Variants in C6orf62 observed in about 807,000 individuals in gnomAD.
C6orf62 encodes the protein uncharacterized protein C6orf62.
In C6orf62, 16 loss-of-function variants were observed where a neutral mutation model predicts 26.8. That is an observed-to-expected ratio of 0.60 (90% confidence interval 0.40 to 0.91). The LOEUF (loss-of-function observed/expected upper bound fraction) is 0.91, where lower values mean the gene tolerates loss of function less well. Ranked by LOEUF, C6orf62 falls within the 40% of genes least tolerant of loss-of-function variation. C6orf62 has a pLI of 0.00. For synonymous variants in C6orf62, 112 were observed against 91.5 expected, an observed-to-expected ratio of 1.22 and a Z score of -1.28; for missense variants, 192 against 271.4, an observed-to-expected ratio of 0.71 and a Z score of 2.06.
chr6:24,714,937 TAC>T (rs1779193790), intron 2 of C6orf62, among the ~76,000 whole-genome samples: 1 of 152,124 alleles, frequency 6.6e-6, no homozygotes, highest in Non-Finnish European at 1.5e-5. Context: ...ATTTTTATCT[TAC>T]AGAGAGTCAC....
At chr6:24,719,695 G>A, upstream of C6orf62, 1 of 1,485,354 alleles carries the variant, frequency 6.7e-7, no homozygotes, top group African/African-American at 1.4e-5. Flanking sequence ...CTGTGGATCT[G>A]CCCCCGTTCA....
intron 3 of C6orf62, 84 bp downstream of exon 3, chr6:24,714,234 C>A: frequency 9.4e-7 from 1 of 1,067,114 alleles, no homozygotes; most frequent in Non-Finnish European, 1.3e-6. Context: ...AACCATTTTC[C>A]CAAAGAATTT....
At chr6:24,718,078 G>A (rs1370168584) in intron 1 of C6orf62, among the ~76,000 whole-genome samples, 1 of 152,196 alleles carries the variant, frequency 6.6e-6, no homozygotes, top group African/African-American at 2.4e-5. Flanking sequence ...CCTAAAAGGT[G>A]TATTCTACTT....
rs973324852 is a variant in C6orf62 at position 24,709,398 on chromosome 6, T to G, written c.430-487A>C. On this transcript the variant is annotated intron_variant, in intron 3 of 4. Coordinates refer to ENST00000378119, the MANE Select transcript of C6orf62 (RefSeq NM_030939.5). ...TTCTTTTGATTAGGAGTCACATTGTTAATTGCTGTTTCTAAGAAAAAAAAA... is the reference window on the plus strand; with the variant it reads ...TTCTTTTGATTAGGAGTCACATTGTGAATTGCTGTTTCTAAGAAAAAAAAA... 3 of 983,258 alleles carry G rather than the reference T, an allele frequency of 3.1e-6. No individual in the cohort carries two copies. In the African/African-American group the frequency reaches 5.3e-5, roughly 17 times the overall value. The allele number at this position is 983,258 out of a possible 1,614,324, so 60.9% of individuals were successfully genotyped here.
rs571415609 is a variant in C6orf62, at chr6:24,708,704, T to C, written c.564+73A>G. 54 of 1,571,332 alleles carry C rather than the reference T, an allele frequency of 3.4e-5. No homozygotes were observed. The African/African-American group carries it at 4.8e-4, about 14-fold the overall frequency. The stretch of plus-strand genomic sequence containing the variant: ...TTGGGGGACACAACAATTAAGTAAC[T>C]TGTATATAAAACGTTTACTAACCAA... On this transcript the variant is annotated intron_variant, in intron 4 of 4. Coordinates refer to ENST00000378119, the MANE Select transcript of C6orf62 (RefSeq NM_030939.5).
rs532472016 is a variant in C6orf62, at chr6:24,704,921, CTTTTTT to C, written c.*1210_*1215del. 6.6e-6 allele frequency: 1 copy of C among 151,750 alleles called. No individual in the cohort carries two copies. Among genetic ancestry groups the C allele is most frequent in the Non-Finnish European group, 1.5e-5 (1 of 67,792 alleles). The allele number at this position is 151,750 out of a possible 1,614,324, so 9.4% of individuals were successfully genotyped here. A position where few individuals can be genotyped will look rare whatever the true frequency, so the allele number is the denominator to read the frequency against. ...CCTATTTTATTTAGGTTTTCTTTTT[CTTTTTT>C]TCTTTTTTTTTCAAATTCCAACCAG... On this transcript the variant is annotated 3_prime_UTR_variant, in exon 5 of 5. Transcript: ENST00000378119.
At chr6:24,714,295 C>A in intron 3 of C6orf62, 23 bp downstream of exon 3, 1 of 1,582,468 alleles carries the variant, frequency 6.3e-7, no homozygotes, top group South Asian at 1.2e-5. Flanking sequence ...TTGAAATACT[C>A]ATCACACTTT....
upstream of C6orf62, chr6:24,719,439 G>T: frequency 1.9e-6 from 2 of 1,076,212 alleles, no homozygotes; most frequent in Non-Finnish European, 2.3e-6. Context: ...TACCGGGGGC[G>T]GGCAGCTGTG....
intron 4 of C6orf62, among the ~76,000 whole-genome samples, chr6:24,707,986 G>A (rs1473477132): frequency 1.3e-5 from 2 of 151,846 alleles, no homozygotes; most frequent in African/African-American, 4.8e-5. Flanking sequence ...ACTCCAGCCT[G>A]GGCGACAGAG....
At chr6:24,709,288 T>C in intron 3 of C6orf62, 2 of 985,370 alleles carry the variant, frequency 2.0e-6, no homozygotes, top group Non-Finnish European at 2.4e-6. Context: ...TAAATCCTAG[T>C]ACTCCACGAT....
At chr6:24,716,080 G>C in intron 2 of C6orf62, 68 bp downstream of exon 2, 1 of 1,368,210 alleles carries the variant, frequency 7.3e-7, no homozygotes, top group Non-Finnish European at 1.0e-6. Flanking sequence ...AGGGGGGTTC[G>C]GGGGGCGGGG....
rs552250075 is a variant in C6orf62 at position 24,705,510 on chromosome 6, GA to G, written c.*626del. 4,677 of 148,884 alleles carry G rather than the reference GA, an allele frequency of 0.031. 107 individuals carry two copies. Among genetic ancestry groups the G allele is most frequent in the Middle Eastern group, 0.075 (22 of 292 alleles). The allele number at this position is 148,884 out of a possible 1,614,324, so 9.2% of individuals were successfully genotyped here. A position where few individuals can be genotyped will look rare whatever the true frequency, so the allele number is the denominator to read the frequency against. Reference sequence around the variant, plus strand: ...ATAGCAACTTGGGGAAAGAGATCTGGAAAAAAAAAATACATGAGTACCAGGA... The same window carrying G: ...ATAGCAACTTGGGGAAAGAGATCTGGAAAAAAAAATACATGAGTACCAGGA... On this transcript the variant is annotated 3_prime_UTR_variant, in exon 5 of 5. Coordinates refer to ENST00000378119, the MANE Select transcript of C6orf62 (RefSeq NM_030939.5).
upstream of C6orf62, chr6:24,720,410 G>A (rs1189596783): frequency 8.7e-7 from 1 of 1,144,512 alleles, no homozygotes; most frequent in Non-Finnish European, 1.1e-6. Context: ...CCGCGCTGCT[G>A]CCGCCGCTCA....
upstream of C6orf62, chr6:24,720,428 C>T: frequency 8.9e-7 from 1 of 1,121,980 alleles, no homozygotes; most frequent in Non-Finnish European, 1.1e-6. Context: ...TCAGCCCCCA[C>T]CTGGGACCCA....
chr6:24,708,146 A>G lies in C6orf62; in HGVS notation c.564+631T>C, dbSNP rs138930791. On this transcript the variant is annotated intron_variant, in intron 4 of 4. Coordinates refer to ENST00000378119, the MANE Select transcript of C6orf62 (RefSeq NM_030939.5). Reference sequence around the variant, plus strand: ...TTTAACAAGTTCTCAAGTGATGTTCATCCATTGCCCACACATCTGGTAGAC... The same window carrying G: ...TTTAACAAGTTCTCAAGTGATGTTCGTCCATTGCCCACACATCTGGTAGAC... Among the ~76,000 whole-genome samples the G allele has an allele frequency of 5.9e-5, 9 of 152,118 alleles. No individual in the cohort carries two copies. In the East Asian group the frequency reaches 1.7e-3, roughly 29 times the overall value.
intron 1 of C6orf62, among the ~76,000 whole-genome samples, chr6:24,718,152 A>C (rs1031320086): frequency 6.6e-6 from 1 of 152,354 alleles, no homozygotes; most frequent in East Asian, 1.9e-4. Flanking sequence ...AAACTTTAGC[A>C]TATAAACAGT....
In C6orf62 at chr6:24,719,101, C is replaced by T; in HGVS notation, c.-433G>A. ...CTAAAATCCATCCGGATTTTCCCCC[C>T]TTTTTAGAAAAGGGATTAAGGAACA... On this transcript the variant is annotated 5_prime_UTR_variant, in exon 1 of 5. Coordinates refer to ENST00000378119, the MANE Select transcript of C6orf62 (RefSeq NM_030939.5). 1 of 986,132 alleles carries T rather than the reference C, an allele frequency of 1.0e-6. No individual in the cohort carries two copies. The highest frequency in any genetic ancestry group is 1.2e-6 in the Non-Finnish European group (1 of 832,040). 61.1% of individuals were successfully genotyped at this position (986,132 alleles called of 1,614,324 possible).
upstream of C6orf62, chr6:24,720,770 C>CT (rs1779342709): frequency 6.6e-6 from 1 of 152,298 alleles, no homozygotes; most frequent in Non-Finnish European, 1.5e-5. Context: ...CGTTCCCCCC[C>CT]CCGCCGGTGG....
intron 2 of C6orf62, 43 bp from the exon 3 acceptor site, chr6:24,714,483 C>T (rs754237238): frequency 3.4e-6 from 5 of 1,453,470 alleles, no homozygotes; most frequent in Admixed American, 2.3e-5. Context: ...TTTAAAGAAA[C>T]AGCTACATCA....
Sources: gnomAD v4.1 joint callset for allele counts (sites outside exome capture counted in the v4.1 genomes callset) on GRCh38, gnomAD v4.1.1 for gene constraint, MANE v1.5 for transcripts, NCBI Gene and HGNC (gene_info 2026-07-23, HGNC 2026-07-21) for gene names.